Variants in VILL observed in about 807,000 individuals in gnomAD.
VILL encodes the protein villin-like protein.
VILL carries 102 observed loss-of-function variants against 106.3 expected under a neutral mutation model. That is an observed-to-expected ratio of 0.96 (90% CI 0.82 to 1.13). The LOEUF (loss-of-function observed/expected upper bound fraction) is 1.13. VILL is among the 50% of genes most tolerant of loss of function. VILL has a pLI of 0.00. For missense variants in VILL, 1,076 were observed against 1,116.6 expected (o/e 0.96, Z 0.52); for synonymous variants, 431 against 440.3 (o/e 0.98, Z 0.27).
chr3:38,005,323 T>C (rs746998304), intron 16 of VILL, among the ~76,000 whole-genome samples: 1 of 152,150 alleles, frequency 6.6e-6, no homozygotes, highest in Non-Finnish European at 1.5e-5. Flanking sequence ...CCTCTTTGTG[T>C]TCCCTGAACA....
intron 1 of VILL, 182 bp from the exon 2 acceptor site, chr3:37,993,405 G>C (rs1311593763): frequency 4.0e-6 from 2 of 498,326 alleles, no homozygotes; most frequent in African/African-American, 3.9e-5. Flanking sequence ...GGGTGGCAGA[G>C]CAAGACCCTG....
upstream of VILL, chr3:37,988,350 G>C (rs527599643): frequency 1.3e-5 from 2 of 152,018 alleles, no homozygotes; most frequent in Non-Finnish European, 2.9e-5. Flanking sequence ...GATGTGAGCG[G>C]GTTTATGGTT....
chr3:37,998,350 T>C lies in VILL; in HGVS notation c.928T>C (p.Phe310Leu), dbSNP rs763425137. The change falls in exon 9 of 20, where the codon TTC (phenylalanine) becomes CTC (leucine). Residue 310 changes from phenylalanine (F) to leucine (L), a missense_variant. Physicochemically the swap from Phe to Leu is conservative, Grantham distance 22. Transcript: ENST00000383759. The surrounding 1 kb of genome is among the most constrained non-coding windows in gnomAD (Gnocchi z 4.1). ...MSSLQERKAA[F>L]SRAVGFIQAK... ...TAGCCTCCAGGAGAGAAAGGCTGCC[T>C]TCAGCCGGGCTGTGGTGAGCCCTGG... 6.2e-7 allele frequency: 1 copy of C among 1,614,164 alleles called. No individual in the cohort carries two copies. The highest frequency in any genetic ancestry group is 8.5e-7 in the Non-Finnish European group (1 of 1,180,002).
At position 38,006,260 on chromosome 3, in the gene VILL, C is replaced by T. The variant is rs564654291; in HGVS notation, c.2205+8C>T. ...ATCTCTGAGATAACAGCAGTGAGTC[C>T]TGGGGCCCCTAGCCTTCCCCACAGT... On this transcript the variant is annotated splice_region_variant and intron_variant, in intron 18 of 19. Transcript: ENST00000383759. 1.9e-6 allele frequency: 3 copies of T among 1,614,164 alleles called. No homozygotes were observed. The highest frequency in any genetic ancestry group is 1.7e-5 in the Admixed American group (1 of 60,022).
upstream of VILL, among the ~76,000 whole-genome samples, chr3:37,989,966 G>C (rs1245866447): frequency 6.6e-6 from 1 of 152,196 alleles, no homozygotes; most frequent in South Asian, 2.1e-4. Flanking sequence ...AGACCTTTGT[G>C]GGGTGAAGAC....
chr3:37,996,531 C>A (rs1354956940), intron 5 of VILL, among the ~76,000 whole-genome samples: 2 of 152,176 alleles, frequency 1.3e-5, no homozygotes, highest in Non-Finnish European at 2.9e-5. Flanking sequence ...TGAATGGTAA[C>A]CCTTGAGGTA....
rs756181001 is a variant in VILL at position 37,997,151 on chromosome 3, G to A, written c.525G>A (p.Trp175Ter). ...ACCTAGGCAAGATGATGATTCAGTG[G>A]AATGGGCCCAAGACCAGCATTTCTG... ...LLDLGKMMIQ[W>*]NGPKTSISEK... is the part of the protein sequence containing the mutation. The change falls in exon 6 of 20, where the codon TGG becomes TGA. Residue 175 changes from tryptophan to a stop codon, truncating the protein, a stop_gained. Transcript: ENST00000383759. LOFTEE classifies it high-confidence loss of function. The surrounding 1 kb of genome is among the most constrained non-coding windows in gnomAD (Gnocchi z 4.7). 1.9e-6 allele frequency: 3 copies of A among 1,614,184 alleles called. No homozygotes were observed. The highest frequency in any genetic ancestry group is 2.5e-6 in the Non-Finnish European group (3 of 1,180,032).
At position 38,001,479 on chromosome 3, in the gene VILL, C is replaced by T; in HGVS notation, c.1206C>T (p.His402=). Residue 402 remains histidine, a synonymous_variant, in exon 12 of 20, where the codon CAC becomes CAT. Coordinates refer to ENST00000383759, the MANE Select transcript of VILL (RefSeq NM_015873.4). ...AGGTGTGGTGCATCCAGGACTTACA[C>T]AGGCAGCCCGTGGACCCCAAGCGTC... is the stretch of plus-strand genomic sequence containing the variant. ...KVEVWCIQDL[H]RQPVDPKRHG... The T allele has an allele frequency of 1.2e-6, 2 of 1,614,186 alleles. No individual in the cohort carries two copies. Among genetic ancestry groups the T allele is most frequent in the East Asian group, 2.2e-5 (1 of 44,894 alleles).
chr3:37,994,143 C>T (rs1699656369), intron 3 of VILL, 118 bp from the exon 4 acceptor site: 1 of 1,420,730 alleles, frequency 7.0e-7, no homozygotes, highest in Non-Finnish European at 9.7e-7. Flanking sequence ...CTCCCACTTC[C>T]TGATCTCCGC....
At chr3:38,001,913 A>G (rs777391912) in intron 13 of VILL, 53 bp downstream of exon 13, 28 of 1,611,858 alleles carry the variant, frequency 1.7e-5, no homozygotes, top group Admixed American at 3.3e-5. Flanking sequence ...TGCATGGGCC[A>G]TGGCCCCCGC....
Position 37,997,371 on chromosome 3 carries a change from G to A in VILL, c.562-112G>A. ...TGTCCCCCTGGATGCCAGGATGAGGGGACATCAGCCCTTCTCCCCATCAGC... is the reference window on the plus strand; with the variant it reads ...TGTCCCCCTGGATGCCAGGATGAGGAGACATCAGCCCTTCTCCCCATCAGC... On this transcript the variant is annotated intron_variant, in intron 6 of 19. Transcript: ENST00000383759. The surrounding 1 kb of genome is among the most constrained non-coding windows in gnomAD (Gnocchi z 4.7). 1 of 1,267,688 alleles carries A rather than the reference G, an allele frequency of 7.9e-7. No individual in the cohort carries two copies. Among genetic ancestry groups the A allele is most frequent in the Non-Finnish European group, 1.1e-6 (1 of 900,782 alleles). The allele number at this position is 1,267,688 out of a possible 1,614,324, so 78.5% of individuals were successfully genotyped here. A position where few individuals can be genotyped will look rare whatever the true frequency, so the allele number is the denominator to read the frequency against.
At position 38,006,448 on chromosome 3, in the gene VILL, G is replaced by GGAA. The variant is rs1699926644; in HGVS notation, c.2207_2209dup (p.Glu736dup). 1 of 1,596,564 alleles carries GGAA rather than the reference G, an allele frequency of 6.3e-7. No homozygotes were observed. Among genetic ancestry groups the GGAA allele is most frequent in the South Asian group, 1.1e-5 (1 of 89,428 alleles). ...CCAGCCTGAGGCTCCTCTCTGGACA[G>GGAA]GAAGTCAACAACTTGCGGCTATCCA... On this transcript the variant is annotated inframe_insertion and splice_region_variant. Transcript: ENST00000383759.
Position 37,998,471 on chromosome 3 carries a change from G to GT in VILL, c.942+110dup, listed in dbSNP as rs1282223180. ...AGGGAGGAATCAGCCCTCCCCTAGAGTTTGAGTTGGGAAATCCTATGCTGG... is the reference window on the plus strand; with the variant it reads ...AGGGAGGAATCAGCCCTCCCCTAGAGTTTTGAGTTGGGAAATCCTATGCTGG... On this transcript the variant is annotated intron_variant, in intron 9 of 19. Coordinates refer to ENST00000383759, the MANE Select transcript of VILL (RefSeq NM_015873.4). The surrounding 1 kb of genome is among the most constrained non-coding windows in gnomAD (Gnocchi z 4.1). The GT allele has an allele frequency of 9.9e-7, 1 of 1,009,086 alleles. No individual in the cohort carries two copies. The highest frequency in any genetic ancestry group is 1.6e-5 in the African/African-American group (1 of 62,110). 62.5% of individuals were successfully genotyped at this position (1,009,086 alleles called of 1,614,324 possible). A position where few individuals can be genotyped will look rare whatever the true frequency, so the allele number is the denominator to read the frequency against.
In VILL at chr3:38,006,848, C is replaced by A. The variant is rs921089326; in HGVS notation, c.2458-94C>A. 8 of 1,513,816 alleles carry A rather than the reference C, an allele frequency of 5.3e-6. No homozygotes were observed. In the African/African-American group the frequency reaches 9.7e-5, roughly 18 times the overall value. 93.8% of individuals were successfully genotyped at this position (1,513,816 alleles called of 1,614,324 possible). A position where few individuals can be genotyped will look rare whatever the true frequency, so the allele number is the denominator to read the frequency against. ...GTGGTGGGCAAACAGATGCGGGAGT[C>A]CCAAGCCCTGGATGACTGACACTAC... is the stretch of plus-strand genomic sequence containing the variant. On this transcript the variant is annotated intron_variant, in intron 19 of 19. Transcript: ENST00000383759.
At chr3:38,004,808 CTG>C (rs1325668082) in intron 16 of VILL, among the ~76,000 whole-genome samples, 2 of 152,164 alleles carry the variant, frequency 1.3e-5, no homozygotes, top group African/African-American at 4.8e-5. Context: ...CTTCGTGCAC[CTG>C]TGTGTGACAC....
chr3:37,995,788 T>G lies in VILL; in HGVS notation c.391T>G (p.Leu131Val). Reference protein sequence around the residue: ...ASDLKHVETNLFNIQRLLHIK... With the variant: ...ASDLKHVETNVFNIQRLLHIK... ...TGACCTCAAGCATGTGGAGACCAACTTGTTCAACATCCAGCGACTGCTGCA... is the reference window on the plus strand; with the variant it reads ...TGACCTCAAGCATGTGGAGACCAACGTGTTCAACATCCAGCGACTGCTGCA... The change falls in exon 5 of 20, where the codon TTG (leucine) becomes GTG (valine). Residue 131 changes from leucine to valine, a missense_variant. By Grantham distance (32) the Leu-to-Val change is conservative (BLOSUM62 1). Transcript: ENST00000383759. 1 of 1,614,022 alleles carries G rather than the reference T, an allele frequency of 6.2e-7. No individual in the cohort carries two copies. The highest frequency in any genetic ancestry group is 8.5e-7 in the Non-Finnish European group (1 of 1,179,920).
rs759054331 is a variant in VILL at position 37,993,632 on chromosome 3, T to A, written c.-41T>A. On this transcript the variant is annotated 5_prime_UTR_variant, in exon 2 of 20. Coordinates refer to ENST00000383759, the MANE Select transcript of VILL (RefSeq NM_015873.4). ...CGGTCTCCAGCCTGAGAACTCTGGC[T>A]GTTGTTCCTTGTGTCGTCCCATATT... 1.2e-6 allele frequency: 2 copies of A among 1,603,426 alleles called. No individual in the cohort carries two copies. The highest frequency in any genetic ancestry group is 1.7e-6 in the Non-Finnish European group (2 of 1,172,360).
chr3:37,990,257 G>A (rs565583544), upstream of VILL, among the ~76,000 whole-genome samples: 5 of 152,302 alleles, frequency 3.3e-5, no homozygotes, highest in East Asian at 9.7e-4. This position sits in a 1 kb window ranked among gnomAD's most constrained non-coding sequence, Gnocchi z 5.1. Flanking sequence ...CCCTGAGGAG[G>A]GCTGTGCCAG....
At chr3:38,004,455 TG>T (rs1699878723) in intron 16 of VILL, 56 bp downstream of exon 16, 3 of 1,572,638 alleles carry the variant, frequency 1.9e-6, no homozygotes, top group Non-Finnish European at 2.6e-6. Context: ...TTTCTGTTTG[TG>T]TAACTGGGTG....
Sources: gnomAD v4.1 joint callset for allele counts (sites outside exome capture counted in the v4.1 genomes callset) on GRCh38, gnomAD v4.1.1 for gene constraint, Gnocchi (gnomAD v3.1) non-coding constraint, MANE v1.5 for transcripts, NCBI Gene and HGNC (gene_info 2026-07-23, HGNC 2026-07-21) for gene names.